Variants in SEMA3A observed in about 807,000 individuals in gnomAD.
SEMA3A encodes the protein semaphorin-3A.
SEMA3A carries 29 observed loss-of-function variants against 97.9 expected under a neutral mutation model. The ratio of observed to expected loss-of-function variants is 0.30; its 90% CI spans 0.22 to 0.40. The LOEUF (loss-of-function observed/expected upper bound fraction) is 0.40, where lower values mean the gene tolerates loss of function less well. Among genes scored for constraint, SEMA3A ranks in the 10% least tolerant of loss-of-function variants. SEMA3A has a pLI of 1.00. For synonymous variants in SEMA3A, 321 were observed against 323.7 expected, an observed-to-expected ratio of 0.99 and a Z score of 0.09; for missense variants, 763 against 951.3, an observed-to-expected ratio of 0.80 and a Z score of 2.60.
At chr7:84,062,416 G>A (rs1793259818) in intron 4 of SEMA3A, among the ~76,000 whole-genome samples, 1 of 152,188 alleles carries the variant, frequency 6.6e-6, no homozygotes, top group East Asian at 1.9e-4. Context: ...AATAGGAGGA[G>A]CCAAGATGGC....
intron 3 of SEMA3A, among the ~76,000 whole-genome samples, chr7:84,283,462 T>G (rs955569027): frequency 6.6e-6 from 1 of 152,128 alleles, no homozygotes; most frequent in Non-Finnish European, 1.5e-5. Context: ...AATTTATATT[T>G]GATTCTTTTC....
At chr7:84,233,690 A>T (rs1799167152) in intron 3 of SEMA3A, among the ~76,000 whole-genome samples, 1 of 152,052 alleles carries the variant, frequency 6.6e-6, no homozygotes, top group African/African-American at 2.4e-5. Flanking sequence ...CCATTCCCTG[A>T]ACACTTATTG....
At chr7:84,250,024 T>C (rs1490503425) in intron 3 of SEMA3A, among the ~76,000 whole-genome samples, 1 of 151,802 alleles carries the variant, frequency 6.6e-6, no homozygotes, top group East Asian at 1.9e-4. Context: ...AAGCCTGATT[T>C]CTTTCCTCTC....
At chr7:84,130,371 G>T (rs760461415) in intron 2 of SEMA3A, among the ~76,000 whole-genome samples, 4 of 152,086 alleles carry the variant, frequency 2.6e-5, no homozygotes, top group Admixed American at 6.6e-5. Flanking sequence ...TATTGAAGTA[G>T]TGTATGATGA....
chr7:83,987,445 G>C (rs1223729369), intron 12 of SEMA3A, among the ~76,000 whole-genome samples: 1 of 152,122 alleles, frequency 6.6e-6, no homozygotes, highest in Non-Finnish European at 1.5e-5. Context: ...ACTCTTGCTT[G>C]TCTTTTGGCT....
At chr7:83,961,896 G>A (rs922578036) in intron 16 of SEMA3A, 70 bp from the exon 17 acceptor site, 3 of 1,212,070 alleles carry the variant, frequency 2.5e-6, no homozygotes, top group Non-Finnish European at 3.4e-6. Flanking sequence ...GAAACTCCGT[G>A]TCTGTAAAAC....
intron 2 of SEMA3A, among the ~76,000 whole-genome samples, chr7:84,340,980 T>TA (rs1160196443): frequency 6.6e-6 from 1 of 152,158 alleles, no homozygotes; most frequent in Non-Finnish European, 1.5e-5. Context: ...TAATCCTCCA[T>TA]AAAAATATTT....
intron 1 of SEMA3A, among the ~76,000 whole-genome samples, chr7:84,457,981 G>C (rs1216354659): frequency 1.3e-5 from 2 of 151,902 alleles, no homozygotes; most frequent in African/African-American, 4.8e-5. Context: ...AAGTGACCAG[G>C]GTCTAAGTAT....
rs549519279 is a variant in SEMA3A at position 84,409,009 on chromosome 7, C to T, written c.-245-37109G>A. Among the ~76,000 whole-genome samples, 11 of 150,676 alleles carry T rather than the reference C, an allele frequency of 7.3e-5. No individual in the cohort carries two copies. In the South Asian group the frequency reaches 1.7e-3, roughly 23 times the overall value. On this transcript the variant is annotated intron_variant, in intron 1 of 3. Coordinates refer to the SEMA3A transcript ENST00000424555. Reference sequence around the variant, plus strand: ...TGTATACATATGTAACAAAACTGCACGTTGTGCACATGTACCCTAAAACTT... The same window carrying T: ...TGTATACATATGTAACAAAACTGCATGTTGTGCACATGTACCCTAAAACTT...
chr7:83,995,370 G>T (rs1041205176), intron 12 of SEMA3A, among the ~76,000 whole-genome samples: 1 of 152,094 alleles, frequency 6.6e-6, no homozygotes, highest in Non-Finnish European at 1.5e-5. Context: ...TATATGAATG[G>T]TGAAACATAA....
chr7:84,350,195 A>G (rs1802403376), intron 2 of SEMA3A, among the ~76,000 whole-genome samples: 1 of 151,930 alleles, frequency 6.6e-6, no homozygotes, highest in Admixed American at 6.6e-5. Flanking sequence ...TCTCATACCA[A>G]TTCATATTTC....
chr7:84,172,808 C>A (rs948058805), intron 1 of SEMA3A, among the ~76,000 whole-genome samples: 1 of 152,214 alleles, frequency 6.6e-6, no homozygotes, highest in Non-Finnish European at 1.5e-5. Flanking sequence ...ATTTAGCCCA[C>A]AGACTATGAT....
chr7:84,227,137 T>C (rs1799005999), intron 3 of SEMA3A, among the ~76,000 whole-genome samples: 3 of 151,746 alleles, frequency 2.0e-5, no homozygotes, highest in Non-Finnish European at 4.4e-5. Flanking sequence ...TTTATATCTA[T>C]ATAGATATCT....
chr7:84,155,518 G>A (rs773093413), intron 1 of SEMA3A, among the ~76,000 whole-genome samples: 6 of 152,166 alleles, frequency 3.9e-5, no homozygotes, highest in Non-Finnish European at 7.4e-5. Flanking sequence ...ATTTCTGTTC[G>A]TTGGATTATA....
rs935329015 is a variant in SEMA3A, at chr7:84,446,924, C to T, written c.-246+45536G>A. ...AAGTGGGTGGGGCAGGAGCCCCGCA[C>T]TCTTGGCTGCAGCTGCAGCTGCCCA... On this transcript the variant is annotated intron_variant, in intron 1 of 3. Transcript: ENST00000424555. Among the ~76,000 whole-genome samples, 6 of 152,090 alleles carry T rather than the reference C, an allele frequency of 3.9e-5. No homozygotes were observed. In the East Asian group the frequency reaches 1.2e-3, roughly 30 times the overall value.
chr7:84,191,660 A>G (rs547834302), intron 1 of SEMA3A, among the ~76,000 whole-genome samples: 7 of 151,960 alleles, frequency 4.6e-5, no homozygotes, highest in South Asian at 4.1e-4. Flanking sequence ...GAAGGATTTT[A>G]CCATTTAGCT....
At chr7:84,302,286 G>T (rs1801037115) in intron 3 of SEMA3A, among the ~76,000 whole-genome samples, 1 of 152,070 alleles carries the variant, frequency 6.6e-6, no homozygotes. Context: ...TCTAGATTTT[G>T]CTTGTGATAA....
At chr7:84,298,327 C>G (rs1276953577) in intron 3 of SEMA3A, among the ~76,000 whole-genome samples, 1 of 152,136 alleles carries the variant, frequency 6.6e-6, no homozygotes, top group Non-Finnish European at 1.5e-5. Context: ...TCAATCTCCT[C>G]TCCCATTCTT....
At chr7:84,109,861 T>C (rs538433648) in intron 4 of SEMA3A, among the ~76,000 whole-genome samples, 1 of 152,246 alleles carries the variant, frequency 6.6e-6, no homozygotes, top group African/African-American at 2.4e-5. Flanking sequence ...ACCTTTTCTT[T>C]ATCTTGATTT....
Sources: gnomAD v4.1 joint callset for allele counts (sites outside exome capture counted in the v4.1 genomes callset) on GRCh38, gnomAD v4.1.1 for gene constraint, MANE v1.5 for transcripts, NCBI Gene and HGNC (gene_info 2026-07-23, HGNC 2026-07-21) for gene names.